Variants in MATR3 observed in about 807,000 individuals in gnomAD.
The protein encoded by MATR3 is matrin-3.
MATR3 carries 4 observed loss-of-function variants against 85.5 expected under a neutral mutation model. The observed-to-expected ratio is 0.05, with a 90% confidence interval of 0.02 to 0.11. The LOEUF (loss-of-function observed/expected upper bound fraction) is 0.11, where lower values mean the gene tolerates loss of function less well. MATR3 is among the 10% of genes least tolerant of loss of function. The pLI, the probability that MATR3 is intolerant of heterozygous loss-of-function variation, is 1.00. For synonymous variants in MATR3, 336 were observed against 343.1 expected, an observed-to-expected ratio of 0.98 and a Z score of 0.23; for missense variants, 685 against 1,016.1, an observed-to-expected ratio of 0.67 and a Z score of 4.43.
chr5:139,294,484 C>G (rs992706515), intron 1 of MATR3: 1 of 153,934 alleles, frequency 6.5e-6, no homozygotes, highest in Non-Finnish European at 1.4e-5. Flanking sequence ...CGCGCGCGCG[C>G]GCGCGGCGTT....
intron 1 of MATR3, among the ~76,000 whole-genome samples, chr5:139,295,229 T>C (rs1234147817): frequency 6.6e-6 from 1 of 152,254 alleles, no homozygotes; most frequent in African/African-American, 2.4e-5. Context: ...TTTTTCACAG[T>C]ATTGTTTTAA....
chr5:139,274,753 G>A (rs866700709), intron 1 of MATR3, among the ~76,000 whole-genome samples: 2 of 151,872 alleles, frequency 1.3e-5, no homozygotes, highest in African/African-American at 4.8e-5. Flanking sequence ...TGGCCAACAT[G>A]GTGAAACCCC....
intron 9 of MATR3, 47 bp downstream of exon 9, chr5:139,319,548 TTAAGATTTTTCAA>T (rs752607793): frequency 1.3e-6 from 2 of 1,549,820 alleles, no homozygotes; most frequent in African/African-American, 1.4e-5. Flanking sequence ...ATTAAAATCC[TTAAGATTTTTCAA>T]TATGGAGCTG....
At chr5:139,314,427 A>C (rs781617304) in intron 2 of MATR3, 7 of 448,164 alleles carry the variant, frequency 1.6e-5, no homozygotes, top group Middle Eastern at 6.7e-4. Context: ...TTCCCTGTCA[A>C]ATATCTTAAG....
rs1184217603 is a variant in MATR3, at chr5:139,318,966, C to T, written c.1367C>T (p.Thr456Ile). 3 of 1,613,768 alleles carry T rather than the reference C, an allele frequency of 1.9e-6. No homozygotes were observed. The African/African-American group carries it at 4.0e-5, about 22-fold the overall frequency. The change falls in exon 8 of 15, where the codon ACC becomes ATC. Residue 456 changes from threonine to isoleucine, a missense_variant. Transcript: ENST00000394805. ...DAQAAVDYYT[T>I]TPALVFGKPV... ...CAGGCCGCAGTGGATTATTACACAA[C>T]CACACCAGCGTTAGTATTTGGCAAG...
At chr5:139,285,886 A>T (rs1753685448) in intron 3 of MATR3, among the ~76,000 whole-genome samples, 1 of 152,142 alleles carries the variant, frequency 6.6e-6, no homozygotes, top group African/African-American at 2.4e-5. Context: ...AAAAATGAAA[A>T]AGTGAAGCCT....
intron 4 of MATR3, 162 bp downstream of exon 4, chr5:139,315,900 A>T: frequency 1.3e-6 from 1 of 756,030 alleles, no homozygotes; most frequent in Non-Finnish European, 2.3e-6. Flanking sequence ...AATATATATT[A>T]TGTAGTAATT....
rs1266257010 is a variant in MATR3 at position 139,314,705 on chromosome 5, C to T, written c.943C>T (p.His315Tyr). ...EWSQHINGAS[H>Y]SRRCQLLLEI... ...GAGTCAACATATCAATGGAGCAAGT[C>T]ACAGTCGTCGATGCCAGCTTCTTCT... Residue 315 changes from histidine (H) to tyrosine (Y), a missense_variant, in exon 3 of 15, where the codon CAC (histidine) becomes TAC (tyrosine). By Grantham distance (83) the His-to-Tyr change is moderately conservative. This residue lies in a region of MATR3 where 223 missense variants were observed against 334.4 expected (regional missense o/e 0.67). Transcript: ENST00000394805. 6.2e-7 allele frequency: 1 copy of T among 1,613,860 alleles called. No individual in the cohort carries two copies. Among genetic ancestry groups the T allele is most frequent in the Non-Finnish European group, 8.5e-7 (1 of 1,179,886 alleles).
rs1755289041 is a variant in MATR3 at position 139,317,104 on chromosome 5, T to G, written c.1181T>G (p.Val394Gly). Residue 394 changes from valine (V) to glycine (G), a missense_variant and splice_region_variant, in exon 6 of 15, where the codon GTG becomes GGG. By Grantham distance (109) the Val-to-Gly change is moderately radical. Transcript: ENST00000394805. ...QGPRHMQKGRVETSRVVHIMD... is the reference protein window; with the variant it reads ...QGPRHMQKGRGETSRVVHIMD... The stretch of plus-strand genomic sequence containing the variant: ...CCTAGACACATGCAGAAAGGCAGAG[T>G]GGTCAGTAATGAAGCTTTTGGTTTT... 1 of 1,613,882 alleles carries G rather than the reference T, an allele frequency of 6.2e-7. No individual in the cohort carries two copies. The highest frequency in any genetic ancestry group is 2.2e-5 in the East Asian group (1 of 44,868).
rs1442681756 is a variant in MATR3 at position 139,330,453 on chromosome 5, G to T, written c.*1058G>T. On this transcript the variant is annotated 3_prime_UTR_variant, in exon 15 of 15. Transcript: ENST00000394805. ...GGAATGTTAACCAACGTATTTGTCA[G>T]TTGTGGTTTTTATTCGCTCTTAAAC... is the stretch of plus-strand genomic sequence containing the variant. The T allele has an allele frequency of 2.2e-6, 1 of 454,306 alleles. No individual in the cohort carries two copies. Among genetic ancestry groups the T allele is most frequent in the African/African-American group, 2.0e-5 (1 of 50,006 alleles). 28.1% of individuals were successfully genotyped at this position (454,306 alleles called of 1,614,324 possible).
At chr5:139,287,499 A>G (rs1753741996) in intron 3 of MATR3, among the ~76,000 whole-genome samples, 1 of 152,112 alleles carries the variant, frequency 6.6e-6, no homozygotes. Context: ...CGCACCTGTA[A>G]TCCCAGCTAC....
At chr5:139,318,119 G>GT (rs1207423889) in intron 7 of MATR3, among the ~76,000 whole-genome samples, 2 of 152,080 alleles carry the variant, frequency 1.3e-5, no homozygotes, top group Non-Finnish European at 2.9e-5. Context: ...TGGCAACACT[G>GT]TTTTTTGGGG....
rs879874640 is a variant in MATR3, at chr5:139,331,550, T to C, written c.*2155T>C. 1 of 454,162 alleles carries C rather than the reference T, an allele frequency of 2.2e-6. No homozygotes were observed. The highest frequency in any genetic ancestry group is 2.0e-5 in the African/African-American group (1 of 50,142). The allele number at this position is 454,162 out of a possible 1,614,324, so 28.1% of individuals were successfully genotyped here. ...CCCTTCGATTACGAGAAAACCTCTT[T>C]TTAGTAGGAATGTTTCCACTCATGT... On this transcript the variant is annotated 3_prime_UTR_variant, in exon 15 of 15. Coordinates refer to ENST00000394805, the MANE Select transcript of MATR3 (RefSeq NM_018834.6).
chr5:139,296,731 G>A (rs1305947660), intron 1 of MATR3, among the ~76,000 whole-genome samples: 1 of 152,204 alleles, frequency 6.6e-6, no homozygotes, highest in African/African-American at 2.4e-5. Context: ...ATTGGAAATA[G>A]TACTAATTAG....
In MATR3 at chr5:139,310,481, G is replaced by A. The variant is rs961769721; in HGVS notation, c.912+2154G>A. The A allele has an allele frequency of 2.0e-5, 3 of 152,192 alleles. No homozygotes were observed. In the South Asian group the frequency reaches 6.2e-4, roughly 32 times the overall value. The allele number at this position is 152,192 out of a possible 1,614,324, so 9.4% of individuals were successfully genotyped here. A position where few individuals can be genotyped will look rare whatever the true frequency, so the allele number is the denominator to read the frequency against. ...ATTGAAAAAATCTTTACTCACTTTA[G>A]CAGTGGACCCTCTATAACCGCTATA... On this transcript the variant is annotated intron_variant, in intron 2 of 14. Transcript: ENST00000394805.
chr5:139,315,880 C>A, intron 4 of MATR3, 142 bp downstream of exon 4: 1 of 810,354 alleles, frequency 1.2e-6, no homozygotes, highest in Non-Finnish European at 2.1e-6. Flanking sequence ...CTTTGGTTAA[C>A]AATTTTTAGA....
upstream of MATR3, among the ~76,000 whole-genome samples, chr5:139,289,155 C>G (rs1208410739): frequency 1.3e-5 from 2 of 152,226 alleles, no homozygotes; most frequent in African/African-American, 4.8e-5. Context: ...AATGATTGGC[C>G]TCAAAGATGT....
Position 139,329,679 on chromosome 5 carries a change from A to T in MATR3, c.*284A>T. 1 of 484,020 alleles carries T rather than the reference A, an allele frequency of 2.1e-6. No individual in the cohort carries two copies. Among genetic ancestry groups the T allele is most frequent in the Non-Finnish European group, 4.0e-6 (1 of 247,408 alleles). The allele number at this position is 484,020 out of a possible 1,614,324, so 30.0% of individuals were successfully genotyped here. On this transcript the variant is annotated 3_prime_UTR_variant, in exon 15 of 15. Coordinates refer to ENST00000394805, the MANE Select transcript of MATR3 (RefSeq NM_018834.6). ...CTTAAGACAACTTGCACCACTAAGA[A>T]AAAAATGTAGAACCATTTGGAAAAA...
intron 14 of MATR3, 75 bp downstream of exon 14, chr5:139,326,359 ATG>A (rs1755851210): frequency 1.4e-6 from 2 of 1,408,604 alleles, no homozygotes; most frequent in Admixed American, 3.4e-5. Context: ...TATAAGTAAA[ATG>A]TGTATAGTGT....
Sources: gnomAD v4.1 joint callset for allele counts (sites outside exome capture counted in the v4.1 genomes callset) on GRCh38, gnomAD v4.1.1 for gene constraint, gnomAD v4.1.1 regional missense constraint, MANE v1.5 for transcripts, NCBI Gene and HGNC (gene_info 2026-07-23, HGNC 2026-07-21) for gene names.